The following ARID1B variants were observed in gnomAD, a reference collection of about 807,000 sequenced individuals.
ARID1B encodes AT-rich interactive domain-containing protein 1B.
ARID1B carries 30 observed loss-of-function variants against 212.3 expected under a neutral mutation model. The ratio of observed to expected loss-of-function variants is 0.14; its 90% CI spans 0.11 to 0.19. The LOEUF is 0.19. ARID1B is among the 10% of genes least tolerant of loss of function. The pLI, the probability that ARID1B is intolerant of heterozygous loss-of-function variation, is 1.00. For missense variants in ARID1B, 2,891 were observed against 3,204.0 expected (o/e 0.90, Z 2.36); for synonymous variants, 1,402 against 1,301.7 (o/e 1.08, Z -1.66).
At chr6:157,150,775 G>A (rs1419443923) in intron 8 of ARID1B, 7 of 183,208 alleles carry the variant, frequency 3.8e-5, no homozygotes, top group African/African-American at 4.7e-5. Context: ...GGGGCTGGCG[G>A]ACGCCCCATG....
chr6:156,826,669 G>A (rs1451211095), intron 1 of ARID1B, among the ~76,000 whole-genome samples: 7 of 152,118 alleles, frequency 4.6e-5, no homozygotes, highest in African/African-American at 7.2e-5. Flanking sequence ...CCTCCCCTCC[G>A]TCCCTCCTCT....
intron 4 of ARID1B, among the ~76,000 whole-genome samples, chr6:156,950,019 A>G (rs1297762684): frequency 6.6e-6 from 1 of 152,244 alleles, no homozygotes; most frequent in East Asian, 1.9e-4. Flanking sequence ...TAGTTTGGAC[A>G]ATTAAAATAT....
intron 3 of ARID1B, among the ~76,000 whole-genome samples, chr6:156,908,567 T>C (rs756841292): frequency 1.1e-4 from 17 of 151,908 alleles, no homozygotes; most frequent in East Asian, 1.9e-4. Context: ...TTGCTGTTCT[T>C]CCCCCCCGCC....
intron 1 of ARID1B, among the ~76,000 whole-genome samples, chr6:156,796,727 A>G (rs771440401): frequency 2.3e-4 from 35 of 152,168 alleles, no homozygotes; most frequent in Non-Finnish European, 4.6e-4. Context: ...TTTTTGCCAT[A>G]TTACAAGGAC....
chr6:156,838,709 T>TATAATAATAATAATA lies in ARID1B; in HGVS notation c.1986+9299_1986+9313dup, dbSNP rs35310749. 6.7e-3 allele frequency among the ~76,000 whole-genome samples: 972 copies of TATAATAATAATAATA among 145,848 alleles called. 5 individuals carry two copies. The highest frequency in any genetic ancestry group is 0.011 in the South Asian group (49 of 4,494). ...TACACAGGTACCCTAGAACTTAAAG[T>TATAATAATAATAATA]ATAATAATAATAATAATAATAATAA... On this transcript the variant is annotated intron_variant, in intron 2 of 19. Transcript: ENST00000636930.
intron 6 of ARID1B, among the ~76,000 whole-genome samples, chr6:157,121,601 C>G (rs1473126460): frequency 1.4e-5 from 2 of 140,700 alleles, no homozygotes; most frequent in African/African-American, 5.3e-5. Context: ...AAGATTATCT[C>G]TTTTACAAAT....
At position 157,094,397 on chromosome 6, in the gene ARID1B, C is replaced by T. The variant is rs900530563; in HGVS notation, c.2491+9492C>T. ...TGAGAAGGAGTCTCACTCTGTCTTC[C>T]AGGCTAGAGTACAGTGGCACGATCT... On this transcript the variant is annotated intron_variant, in intron 5 of 19. Transcript: ENST00000636930. The surrounding 1 kb of genome is among the most constrained non-coding windows in gnomAD (Gnocchi z 4.3). 6.6e-6 allele frequency among the ~76,000 whole-genome samples: 1 copy of T among 152,050 alleles called. No homozygotes were observed. The highest frequency in any genetic ancestry group is 1.5e-5 in the Non-Finnish European group (1 of 68,004).
At chr6:157,140,668 A>C (rs1398889933) in intron 7 of ARID1B, 1 of 398,502 alleles carries the variant, frequency 2.5e-6, no homozygotes, top group Non-Finnish European at 4.4e-6. Flanking sequence ...ACCTGCCCAG[A>C]ACCAGATGGC....
At chr6:156,907,559 T>TG (rs2128221089) in intron 3 of ARID1B, among the ~76,000 whole-genome samples, 1 of 152,278 alleles carries the variant, frequency 6.6e-6, no homozygotes, top group South Asian at 2.1e-4. Context: ...TGAATTAGAC[T>TG]GAACTGTAAT....
intron 12 of ARID1B, among the ~76,000 whole-genome samples, chr6:157,184,003 C>T (rs769922183): frequency 1.3e-5 from 2 of 152,126 alleles, no homozygotes; most frequent in Non-Finnish European, 2.9e-5. Context: ...GGAGATGTGG[C>T]GGGCAGAAGG....
intron 4 of ARID1B, among the ~76,000 whole-genome samples, chr6:156,965,182 T>C (rs919291428): frequency 2.6e-5 from 4 of 152,246 alleles, no homozygotes; most frequent in Admixed American, 1.3e-4. Context: ...TATTTTTATT[T>C]TTTAAACACA....
At chr6:157,057,867 A>T in intron 4 of ARID1B, among the ~76,000 whole-genome samples, 1 of 152,350 alleles carries the variant, frequency 6.6e-6, no homozygotes, top group Non-Finnish European at 1.5e-5. Context: ...TGATACCAAC[A>T]GCATACTCTA....
In ARID1B at chr6:156,845,970, CTTGTT is replaced by C. The variant is rs1237740083; in HGVS notation, c.1986+16555_1986+16559del. 2.6e-5 allele frequency among the ~76,000 whole-genome samples: 4 copies of C among 151,994 alleles called. No individual in the cohort carries two copies. The East Asian group carries it at 7.7e-4, about 29-fold the overall frequency. On this transcript the variant is annotated intron_variant, in intron 2 of 19. Transcript: ENST00000636930. ...TTTTTGTAGTTTCACTTTCCATGAA[CTTGTT>C]TTGTTCACCAAATTTTTCTTTTTTA...
intron 2 of ARID1B, among the ~76,000 whole-genome samples, chr6:156,829,933 A>G (rs914137335): frequency 6.6e-6 from 1 of 151,480 alleles, no homozygotes. Flanking sequence ...AGGTTTCTGT[A>G]TTTCATATAA....
chr6:157,158,086 T>C (rs936907588), intron 8 of ARID1B, among the ~76,000 whole-genome samples: 45 of 152,248 alleles, frequency 3.0e-4, no homozygotes, highest in African/African-American at 1.0e-3. Context: ...GTGGCCCTTG[T>C]TTTAAAAGTG....
At chr6:157,122,910 G>C (rs1787838849) in intron 6 of ARID1B, among the ~76,000 whole-genome samples, 1 of 152,024 alleles carries the variant, frequency 6.6e-6, no homozygotes, top group South Asian at 2.1e-4. Flanking sequence ...TTGAACTCCT[G>C]ACCTCAGGTG....
intron 2 of ARID1B, among the ~76,000 whole-genome samples, chr6:156,866,879 C>A (rs957775651): frequency 6.6e-6 from 1 of 152,194 alleles, no homozygotes; most frequent in Admixed American, 6.5e-5. Flanking sequence ...CGTTGAAAAA[C>A]TCAGTTGATT....
intron 4 of ARID1B, among the ~76,000 whole-genome samples, chr6:157,025,484 C>G (rs1175296159): frequency 6.6e-6 from 1 of 152,190 alleles, no homozygotes; most frequent in African/African-American, 2.4e-5. Flanking sequence ...TGTTAACACC[C>G]AAGTCCTGGC....
At chr6:157,076,547 C>CTTTTTTTTTTTTTTTTTTTTTTTT (rs767248750) in intron 4 of ARID1B, among the ~76,000 whole-genome samples, 2 of 149,272 alleles carry the variant, frequency 1.3e-5, no homozygotes, top group African/African-American at 2.4e-5. Flanking sequence ...AGGCTCATGC[C>CTTTTTTTTTTTTTTTTTTTTTTTT]TTTTTATTGT....
Sources: gnomAD v4.1 joint callset for allele counts (sites outside exome capture counted in the v4.1 genomes callset) on GRCh38, gnomAD v4.1.1 for gene constraint, Gnocchi (gnomAD v3.1) non-coding constraint, MANE v1.5 for transcripts, NCBI Gene and HGNC (gene_info 2026-07-23, HGNC 2026-07-21) for gene names.